PDE12: variants seen among roughly 807,000 people sequenced by gnomAD.
PDE12 encodes phosphodiesterase 12, also known as 2',5'-phosphodiesterase 12.
PDE12 carries 26 observed loss-of-function variants against 45.4 expected under a neutral mutation model. The observed-to-expected ratio is 0.57, with a 90% CI of 0.42 to 0.79. The LOEUF (loss-of-function observed/expected upper bound fraction) is 0.79. PDE12 is among the 30% of genes least tolerant of loss of function. PDE12 has a pLI of 0.00. For missense variants in PDE12, 668 were observed against 790.0 expected (o/e 0.85, Z 1.85); for synonymous variants, 283 against 323.9 (o/e 0.87, Z 1.36).
At chr3:57,603,895 T>TACA in the PDE12 span, among the ~76,000 whole-genome samples, 1 of 149,756 alleles carries the variant, frequency 6.7e-6, no homozygotes, top group Admixed American at 6.7e-5. Context: ...GTGCTGGGAT[T>TACA]ACAGGCGTGA....
the PDE12 span, among the ~76,000 whole-genome samples, chr3:57,625,103 T>G: frequency 8.5e-5 from 13 of 152,092 alleles, no homozygotes; most frequent in South Asian, 4.1e-4. Context: ...GGGGTCTCAC[T>G]TTGTTTGCCT....
the PDE12 span, among the ~76,000 whole-genome samples, chr3:57,601,771 G>T: frequency 2.5e-5 from 3 of 118,168 alleles, no homozygotes; most frequent in East Asian, 4.9e-4. Context: ...TTTTGAGACA[G>T]TCTCGCTGTG....
At chr3:57,633,392 T>C in the PDE12 span, 1 of 1,515,294 alleles carries the variant, frequency 6.6e-7, no homozygotes, top group Non-Finnish European at 9.1e-7. Context: ...TATTCTAGTG[T>C]TGGAATATAA....
At chr3:57,606,731 A>AAAG in the PDE12 span, among the ~76,000 whole-genome samples, 1 of 152,310 alleles carries the variant, frequency 6.6e-6, no homozygotes, top group South Asian at 2.1e-4. Flanking sequence ...TTCTATACAC[A>AAAG]AAGTGGTATA....
the PDE12 span, among the ~76,000 whole-genome samples, chr3:57,607,301 C>G: frequency 6.6e-6 from 1 of 152,110 alleles, no homozygotes; most frequent in East Asian, 1.9e-4. Flanking sequence ...AAAAACACAG[C>G]AGAAAAGCTG....
the PDE12 span, among the ~76,000 whole-genome samples, chr3:57,582,394 C>T: frequency 6.6e-6 from 1 of 151,582 alleles, no homozygotes; most frequent in Admixed American, 6.6e-5. Context: ...AGGTGCGCGC[C>T]ACCACGCCCG....
At chr3:57,627,001 T>C in the PDE12 span, 2 of 152,100 alleles carry the variant, frequency 1.3e-5, no homozygotes, top group Non-Finnish European at 2.9e-5. Context: ...AAGTATCACA[T>C]AAAAAACTCA....
chr3:57,625,398 T>C, the PDE12 span: 1 of 152,632 alleles, frequency 6.6e-6, no homozygotes, highest in Non-Finnish European at 1.5e-5. Context: ...TTTCATTAAC[T>C]ATGCATTTTC....
chr3:57,586,343 A>T, the PDE12 span, among the ~76,000 whole-genome samples: 1 of 152,228 alleles, frequency 6.6e-6, no homozygotes, highest in Non-Finnish European at 1.5e-5. Flanking sequence ...CTAGTAAGTT[A>T]AAAAAGAGCT....
the PDE12 span, among the ~76,000 whole-genome samples, chr3:57,623,445 G>A: frequency 6.6e-6 from 1 of 152,218 alleles, no homozygotes; most frequent in African/African-American, 2.4e-5. Flanking sequence ...TTGGGAGGCT[G>A]AGGCGGGTGG....
chr3:57,605,824 A>G, the PDE12 span, among the ~76,000 whole-genome samples: 3 of 152,200 alleles, frequency 2.0e-5, no homozygotes, highest in Non-Finnish European at 1.5e-5. Context: ...AGACTTGAGC[A>G]TCTAGAAATA....
At position 57,565,868 on chromosome 3, in the gene PDE12, A is replaced by G. The variant is rs2069782146; in HGVS notation, c.*5864A>G. ...CATATAATTCTTATATCCCCTGTGG[A>G]ATAGTTTGGAGAAATGGTACATCCA... On this transcript the variant is annotated 3_prime_UTR_variant, in exon 3 of 3. Coordinates refer to ENST00000311180, the MANE Select transcript of PDE12 (RefSeq NM_177966.7). 1 of 152,218 alleles carries G rather than the reference A, an allele frequency of 6.6e-6. No individual in the cohort carries two copies. The highest frequency in any genetic ancestry group is 1.9e-4 in the East Asian group (1 of 5,204). 9.4% of individuals were successfully genotyped at this position (152,218 alleles called of 1,614,324 possible).
chr3:57,656,237 T>C, the PDE12 span, among the ~76,000 whole-genome samples: 1 of 152,206 alleles, frequency 6.6e-6, no homozygotes, highest in Non-Finnish European at 1.5e-5. Flanking sequence ...CCCTATAGTT[T>C]TATCTTTTCC....
chr3:57,584,332 T>C, the PDE12 span: 1 of 1,373,518 alleles, frequency 7.3e-7, no homozygotes, highest in Non-Finnish European at 1.0e-6. Flanking sequence ...AGACTGTATA[T>C]ATTTCACTTT....
chr3:57,632,569 T>C, the PDE12 span, among the ~76,000 whole-genome samples: 3 of 152,146 alleles, frequency 2.0e-5, no homozygotes, highest in African/African-American at 7.2e-5. Flanking sequence ...GACCAAGAAA[T>C]AATATTTCTT....
At chr3:57,642,908 A>T in the PDE12 span, among the ~76,000 whole-genome samples, 2 of 151,646 alleles carry the variant, frequency 1.3e-5, no homozygotes, top group Non-Finnish European at 2.9e-5. Flanking sequence ...GGGGAGGCTG[A>T]GGCAGGAGAA....
the PDE12 span, among the ~76,000 whole-genome samples, chr3:57,649,755 T>C: frequency 6.6e-6 from 1 of 151,972 alleles, no homozygotes; most frequent in African/African-American, 2.4e-5. Context: ...TCTGCATGGA[T>C]ACCCTCCTTA....
chr3:57,601,212 C>T, the PDE12 span, among the ~76,000 whole-genome samples: 221 of 151,944 alleles, frequency 1.5e-3, 6 homozygotes, highest in Admixed American at 0.014. Flanking sequence ...TGGGTTCCAG[C>T]GATTCTCCTG....
chr3:57,645,987 A>G, the PDE12 span, among the ~76,000 whole-genome samples: 2 of 152,174 alleles, frequency 1.3e-5, no homozygotes, highest in Admixed American at 6.6e-5. Flanking sequence ...TTCTGGCTCT[A>G]CTGTTCACTA....
Sources: allele counts gnomAD v4.1 joint callset (sites outside exome capture counted in the v4.1 genomes callset), GRCh38; gene constraint gnomAD v4.1.1; transcripts MANE v1.5; gene names NCBI Gene and HGNC (gene_info 2026-07-23, HGNC 2026-07-21).